The following GPATCH2 variants were observed in gnomAD, a reference collection of about 807,000 sequenced individuals.
GPATCH2 encodes the protein G patch domain-containing protein 2.
In GPATCH2, 51 loss-of-function variants were observed where a neutral mutation model predicts 58.0. The ratio of observed to expected loss-of-function variants is 0.88; its 90% CI spans 0.70 to 1.11. GPATCH2 has a LOEUF of 1.11. Among genes scored for constraint, GPATCH2 ranks in the 50% most tolerant of loss-of-function variants. The pLI is 0.00. For missense variants in GPATCH2, 625 were observed against 652.2 expected (o/e 0.96, Z 0.45); for synonymous variants, 222 against 218.5 (o/e 1.02, Z -0.14).
intron 6 of GPATCH2, among the ~76,000 whole-genome samples, chr1:217,503,721 G>T (rs1053385170): frequency 6.6e-6 from 1 of 152,018 alleles, no homozygotes; most frequent in Non-Finnish European, 1.5e-5. Flanking sequence ...TTAGTTCTGG[G>T]TGATGGTTAT....
chr1:217,593,354 G>A (rs896086995), intron 5 of GPATCH2, among the ~76,000 whole-genome samples: 1 of 151,822 alleles, frequency 6.6e-6, no homozygotes, highest in Non-Finnish European at 1.5e-5. Flanking sequence ...TTATTGGGCG[G>A]GAAGATGCAT....
chr1:217,538,686 G>A (rs1664591275), intron 5 of GPATCH2, among the ~76,000 whole-genome samples: 1 of 152,160 alleles, frequency 6.6e-6, no homozygotes, highest in African/African-American at 2.4e-5. Flanking sequence ...TCACCATGAA[G>A]AGCAGAAGAG....
At chr1:217,579,012 A>G (rs1666935063) in intron 5 of GPATCH2, among the ~76,000 whole-genome samples, 1 of 152,220 alleles carries the variant, frequency 6.6e-6, no homozygotes, top group Non-Finnish European at 1.5e-5. Flanking sequence ...TCCTTCATTC[A>G]GATGTACACT....
chr1:217,538,955 C>G lies in GPATCH2; in HGVS notation c.1099-24066G>C, dbSNP rs1024787190. Among the ~76,000 whole-genome samples, 4 of 152,206 alleles carry G rather than the reference C, an allele frequency of 2.6e-5. No individual in the cohort carries two copies. The East Asian group carries it at 7.7e-4, about 29-fold the overall frequency. The stretch of plus-strand genomic sequence containing the variant: ...CCCTTTATCAAATCACTTTCTTATA[C>G]CCTCTGCTTATCTAAAAGCAGATGA... On this transcript the variant is annotated intron_variant, in intron 5 of 9. Transcript: ENST00000366935.
At chr1:217,492,285 G>T (rs191852464) in intron 7 of GPATCH2, among the ~76,000 whole-genome samples, 5 of 152,144 alleles carry the variant, frequency 3.3e-5, no homozygotes, top group Admixed American at 1.3e-4. Flanking sequence ...CTTCTTCAAA[G>T]AAATTATTGG....
chr1:217,583,478 G>A (rs1331785631), intron 5 of GPATCH2, among the ~76,000 whole-genome samples: 1 of 150,934 alleles, frequency 6.6e-6, no homozygotes, highest in African/African-American at 2.4e-5. Flanking sequence ...GGCTGAGGCA[G>A]GAGAGTTGCA....
At chr1:217,614,774 C>CAA (rs11475032) in intron 2 of GPATCH2, among the ~76,000 whole-genome samples, 55 of 92,082 alleles carry the variant, frequency 6.0e-4, no homozygotes, top group African/African-American at 1.8e-3. Context: ...CACTTTTAAG[C>CAA]AAAAAAAAAA....
At position 217,611,050 on chromosome 1, in the gene GPATCH2, C is replaced by G. The variant is rs142303722; in HGVS notation, c.857G>C (p.Trp286Ser). 2 of 1,613,186 alleles carry G rather than the reference C, an allele frequency of 1.2e-6. No homozygotes were observed. Among genetic ancestry groups the G allele is most frequent in the Non-Finnish European group, 1.7e-6 (2 of 1,179,566 alleles). Reference protein sequence around the residue: ...GRQGDDEQSDWFYEKESGGAC... With the variant: ...GRQGDDEQSDSFYEKESGGAC... ...TCCACCTGATTCCTTTTCGTAGAAC[C>G]AGTCACTCTGTTCATCATCACCTGT... Residue 286 changes from tryptophan (W) to serine (S), a missense_variant, in exon 4 of 10, where the codon TGG becomes TCG. Physicochemically the swap from Trp to Ser is radical, Grantham distance 177. Coordinates refer to ENST00000366935, the MANE Select transcript of GPATCH2 (RefSeq NM_018040.5).
chr1:217,487,181 C>T (rs1414501744), intron 8 of GPATCH2, among the ~76,000 whole-genome samples: 2 of 152,118 alleles, frequency 1.3e-5, no homozygotes, highest in Admixed American at 1.3e-4. Flanking sequence ...CCTATAATAC[C>T]AAGGGCTTCT....
intron 3 of GPATCH2, 42 bp downstream of exon 3, chr1:217,614,099 A>T (rs1261366463): frequency 9.4e-7 from 1 of 1,067,220 alleles, no homozygotes; most frequent in South Asian, 1.3e-5. Context: ...CTTTAGAATG[A>T]AGAAGTTTTT....
intron 5 of GPATCH2, among the ~76,000 whole-genome samples, chr1:217,543,062 T>TACCTA (rs1664833062): frequency 6.6e-6 from 1 of 152,178 alleles, no homozygotes; most frequent in Non-Finnish European, 1.5e-5. Context: ...CTGCCTGTTT[T>TACCTA]ACCTACATCA....
At chr1:217,509,908 T>C (rs943241135) in intron 6 of GPATCH2, among the ~76,000 whole-genome samples, 1 of 151,850 alleles carries the variant, frequency 6.6e-6, no homozygotes, top group Non-Finnish European at 1.5e-5. Flanking sequence ...AAGGAAAAAA[T>C]AAGAGAGATA....
chr1:217,451,606 A>C (rs187386982), intron 8 of GPATCH2, among the ~76,000 whole-genome samples: 3 of 152,334 alleles, frequency 2.0e-5, no homozygotes, highest in Admixed American at 2.0e-4. Context: ...TCATAATATT[A>C]CCTTTTTGTA....
intron 8 of GPATCH2, among the ~76,000 whole-genome samples, chr1:217,457,692 T>C (rs1481484438): frequency 6.6e-6 from 1 of 152,162 alleles, no homozygotes; most frequent in African/African-American, 2.4e-5. Flanking sequence ...AGAATTAGGG[T>C]CATTTGAAAA....
At chr1:217,514,017 G>A (rs375418183) in intron 6 of GPATCH2, among the ~76,000 whole-genome samples, 1 of 151,832 alleles carries the variant, frequency 6.6e-6, no homozygotes, top group Non-Finnish European at 1.5e-5. Context: ...TAGAGACCGG[G>A]TTTCACGATA....
intron 2 of GPATCH2, among the ~76,000 whole-genome samples, chr1:217,615,254 T>C (rs950090588): frequency 3.3e-5 from 5 of 152,084 alleles, no homozygotes; most frequent in African/African-American, 1.2e-4. Context: ...TTTGTTTCTG[T>C]TCGATTTCTT....
intron 9 of GPATCH2, among the ~76,000 whole-genome samples, chr1:217,433,132 C>T (rs879892551): frequency 3.9e-5 from 6 of 151,952 alleles, no homozygotes; most frequent in African/African-American, 9.7e-5. Context: ...AGGATTATTA[C>T]GGCACCTTCT....
At chr1:217,568,063 G>A (rs1018630374) in intron 5 of GPATCH2, among the ~76,000 whole-genome samples, 2 of 152,176 alleles carry the variant, frequency 1.3e-5, no homozygotes, top group African/African-American at 2.4e-5. Context: ...CTTGCAGTGA[G>A]CCGAGATCGT....
At chr1:217,475,669 A>G (rs1458129647) in intron 8 of GPATCH2, among the ~76,000 whole-genome samples, 1 of 152,228 alleles carries the variant, frequency 6.6e-6, no homozygotes, top group Non-Finnish European at 1.5e-5. Flanking sequence ...GAAAATGGCA[A>G]CTACTGACAA....
Sources: gnomAD v4.1 joint callset for allele counts (sites outside exome capture counted in the v4.1 genomes callset) on GRCh38, gnomAD v4.1.1 for gene constraint, MANE v1.5 for transcripts, NCBI Gene and HGNC (gene_info 2026-07-23, HGNC 2026-07-21) for gene names.